TDP1: variants seen among roughly 807,000 people sequenced by gnomAD.
TDP1 encodes tyr-DNA phosphodiesterase 1.
TDP1 carries 64 observed loss-of-function variants against 81.5 expected under a neutral mutation model. That is an observed-to-expected ratio of 0.79 (90% confidence interval 0.64 to 0.97). The LOEUF is 0.97. TDP1 is among the 50% of genes least tolerant of loss of function. TDP1 has a pLI of 0.00. For missense variants in TDP1, 723 were observed against 743.8 expected (o/e 0.97, Z 0.33); for synonymous variants, 256 against 264.3 (o/e 0.97, Z 0.30).
chr14:90,014,015 G>A (rs1050296150), intron 14 of TDP1, among the ~76,000 whole-genome samples: 14 of 152,202 alleles, frequency 9.2e-5, no homozygotes, highest in Admixed American at 3.3e-4. Flanking sequence ...TATTAGCTGC[G>A]TGAGAACAGA....
chr14:90,032,945 GTTGTAAATATAT>G, intron 15 of TDP1, 149 bp from the exon 16 acceptor site: 2 of 733,162 alleles, frequency 2.7e-6, no homozygotes, highest in Non-Finnish European at 3.3e-6. Context: ...GGGCGGGGGG[GTTGTAAATATAT>G]TTGCCTATGA....
chr14:90,026,066 T>C (rs1886612244), intron 15 of TDP1, among the ~76,000 whole-genome samples: 1 of 152,266 alleles, frequency 6.6e-6, no homozygotes, highest in Non-Finnish European at 1.5e-5. Flanking sequence ...GGTCCTGTGC[T>C]AGTGGGTTCC....
chr14:89,991,863 G>A, intron 12 of TDP1, 54 bp from the exon 13 acceptor site: 1 of 1,526,088 alleles, frequency 6.6e-7, no homozygotes, highest in Non-Finnish European at 8.9e-7. Context: ...CTCTTAATGA[G>A]GGATCCTCAA....
intron 13 of TDP1, 88 bp from the exon 14 acceptor site, chr14:89,993,288 G>A: frequency 1.6e-6 from 2 of 1,284,684 alleles, no homozygotes; most frequent in Non-Finnish European, 2.2e-6. Context: ...TTAGATAATA[G>A]GCTCTTTGTT....
Position 89,963,206 on chromosome 14 carries a change from C to T in TDP1, c.92C>T (p.Ser31Phe). Residue 31 changes from serine (S) to phenylalanine (F), a missense_variant, in exon 3 of 17, where the codon TCT becomes TTT. Ser to Phe is a radical substitution (Grantham distance 155). Coordinates refer to ENST00000335725, the MANE Select transcript of TDP1 (RefSeq NM_018319.4). ...EKPKPDKPST[S>F]SLLCARQGAA... ...CCAAAACCAGACAAGCCATCTACCT[C>T]TTCTCTTCTCTGTGCCAGGCAAGGA... The T allele has an allele frequency of 6.2e-7, 1 of 1,614,164 alleles. No individual in the cohort carries two copies. The highest frequency in any genetic ancestry group is 2.2e-5 in the East Asian group (1 of 44,888).
rs1895900227 is a variant in TDP1 at position 89,989,168 on chromosome 14, A to G, written c.1317+78A>G. 6 of 1,388,356 alleles carry G rather than the reference A, an allele frequency of 4.3e-6. No individual in the cohort carries two copies. The Admixed American group carries it at 5.3e-5, about 12-fold the overall frequency. The allele number at this position is 1,388,356 out of a possible 1,614,324, so 86.0% of individuals were successfully genotyped here. ...AGAATTGAAAATTGGTCCTCTTTGT[A>G]ATGGAGAGATGTTTTATTCTGTGAT... is the stretch of plus-strand genomic sequence containing the variant. On this transcript the variant is annotated intron_variant, in intron 11 of 16. Coordinates refer to ENST00000335725, the MANE Select transcript of TDP1 (RefSeq NM_018319.4).
chr14:90,013,858 T>C (rs1356169245), intron 14 of TDP1, among the ~76,000 whole-genome samples: 1 of 152,174 alleles, frequency 6.6e-6, no homozygotes. Flanking sequence ...GGCTCTCATT[T>C]TCTCTGTTTG....
chr14:89,962,872 TC>T (rs922587999), intron 2 of TDP1: 12 of 954,422 alleles, frequency 1.3e-5, no homozygotes, highest in Non-Finnish European at 1.5e-5. Context: ...AGACCCTGTT[TC>T]AAAAAAAAAA....
At chr14:89,984,933 T>C (rs565487026) in intron 9 of TDP1, 199 bp from the exon 10 acceptor site, 1 of 982,642 alleles carries the variant, frequency 1.0e-6, no homozygotes, top group South Asian at 4.7e-5. Context: ...TTGAGTTCTT[T>C]GTCTGGTACT....
In TDP1 at chr14:89,989,098, C is replaced by G. The variant is rs772087182; in HGVS notation, c.1317+8C>G. 1.9e-6 allele frequency: 3 copies of G among 1,611,764 alleles called. No homozygotes were observed. The highest frequency in any genetic ancestry group is 3.3e-5 in the Admixed American group (2 of 59,948). On this transcript the variant is annotated splice_region_variant and intron_variant, in intron 11 of 16. Transcript: ENST00000335725. ...TCTGTTCCTCTTTACTTGGTGAGTT[C>G]TCGTCCTCATTGAGGTAGTTTACTT...
chr14:89,971,313 T>A, intron 6 of TDP1, 42 bp downstream of exon 6: 1 of 1,483,260 alleles, frequency 6.7e-7, no homozygotes, highest in Non-Finnish European at 9.4e-7. Flanking sequence ...GTAGTCTGAG[T>A]TAGAAGGAAA....
intron 14 of TDP1, among the ~76,000 whole-genome samples, chr14:90,006,009 G>A (rs988035948): frequency 3.3e-5 from 5 of 152,264 alleles, no homozygotes; most frequent in Admixed American, 2.6e-4. Context: ...AGGTCAACAG[G>A]TAGGCTGGAC....
chr14:89,983,446 T>G (rs1895221365), intron 8 of TDP1, among the ~76,000 whole-genome samples: 1 of 152,234 alleles, frequency 6.6e-6, no homozygotes, highest in Non-Finnish European at 1.5e-5. Context: ...CTTGCAGTTC[T>G]GGATGCCTTC....
intron 15 of TDP1, among the ~76,000 whole-genome samples, chr14:90,027,483 G>GT (rs1886803577): frequency 6.6e-6 from 1 of 152,072 alleles, no homozygotes; most frequent in Non-Finnish European, 1.5e-5. Context: ...CCACCCACAA[G>GT]TATTTGTTAG....
intron 13 of TDP1, 70 bp downstream of exon 13, chr14:89,992,053 G>GTTTT: frequency 9.0e-7 from 1 of 1,106,228 alleles, no homozygotes; most frequent in Non-Finnish European, 1.3e-6. Context: ...TCACTGGTTT[G>GTTTT]TTTTTTTTTT....
intron 14 of TDP1, among the ~76,000 whole-genome samples, chr14:90,006,038 G>GGCCT (rs376736557): frequency 2.6e-5 from 4 of 152,202 alleles, no homozygotes; most frequent in African/African-American, 9.6e-5. Flanking sequence ...CGGGCACCAA[G>GGCCT]GCCTCCATTT....
chr14:90,000,684 C>T (rs1897117318), intron 14 of TDP1, among the ~76,000 whole-genome samples: 1 of 152,166 alleles, frequency 6.6e-6, no homozygotes. Context: ...TGCACCTGGC[C>T]CACTGATATT....
chr14:89,993,948 T>C (rs914819387), intron 14 of TDP1, among the ~76,000 whole-genome samples: 1 of 152,232 alleles, frequency 6.6e-6, no homozygotes, highest in African/African-American at 2.4e-5. Flanking sequence ...TACTGTTTAA[T>C]GGTTTAGGAT....
chr14:90,007,698 C>T (rs903852688), intron 14 of TDP1, among the ~76,000 whole-genome samples: 4 of 152,026 alleles, frequency 2.6e-5, no homozygotes, highest in African/African-American at 9.7e-5. Context: ...CTCCACTTCT[C>T]GGGCTCAAGT....
Sources: gnomAD v4.1 joint callset for allele counts (sites outside exome capture counted in the v4.1 genomes callset) on GRCh38, gnomAD v4.1.1 for gene constraint, MANE v1.5 for transcripts, NCBI Gene and HGNC (gene_info 2026-07-23, HGNC 2026-07-21) for gene names.